The following STXBP4 variants were observed in gnomAD, a reference collection of about 807,000 sequenced individuals.
The protein encoded by STXBP4 is syntaxin-binding protein 4.
STXBP4 carries 55 observed loss-of-function variants against 76.1 expected under a neutral mutation model. The ratio of observed to expected loss-of-function variants is 0.72; its 90% CI spans 0.58 to 0.91. The LOEUF (loss-of-function observed/expected upper bound fraction) is 0.91. STXBP4 is among the 40% of genes least tolerant of loss of function. The pLI is 0.00. For synonymous variants in STXBP4, 201 were observed against 220.2 expected, an observed-to-expected ratio of 0.91 and a Z score of 0.77; for missense variants, 618 against 636.9, an observed-to-expected ratio of 0.97 and a Z score of 0.32.
Position 55,073,015 on chromosome 17 carries a change from T to C in STXBP4, c.1127T>C (p.Leu376Pro), listed in dbSNP as rs763152730. ...MEMDYEEVIR[L>P]LEAKITELKA... is the part of the protein sequence containing the mutation. ...ATGGACTATGAAGAAGTGATCCGTC[T>C]GTTAGAGGCCAAGATTACAGAGCTA... The change falls in exon 13 of 18, where the codon CTG becomes CCG. Residue 376 changes from leucine (L) to proline (P), a missense_variant. Physicochemically the swap from Leu to Pro is moderately conservative, Grantham distance 98. Transcript: ENST00000376352. The C allele has an allele frequency of 7.4e-6, 12 of 1,614,040 alleles. No individual in the cohort carries two copies. In the South Asian group the frequency reaches 1.1e-4, roughly 15 times the overall value.
In STXBP4 at chr17:54,997,614, A is replaced by ATT. The variant is rs550464094; in HGVS notation, c.181-1724_181-1723dup. On this transcript the variant is annotated intron_variant, in intron 4 of 17. Coordinates refer to ENST00000376352, the MANE Select transcript of STXBP4 (RefSeq NM_178509.6). ...TTTTATATATTTTATATATATATAT[A>ATT]TTTTTTTTGAGACAGATTTTTGCTT... is the stretch of plus-strand genomic sequence containing the variant. 2.7e-5 allele frequency among the ~76,000 whole-genome samples: 4 copies of ATT among 145,634 alleles called. No homozygotes were observed. In the East Asian group the frequency reaches 5.9e-4, roughly 21 times the overall value.
the STXBP4 span, among the ~76,000 whole-genome samples, chr17:55,209,877 T>C: frequency 6.6e-6 from 1 of 152,204 alleles, no homozygotes; most frequent in Non-Finnish European, 1.5e-5. Context: ...TTCTGTGGAA[T>C]CTGGAGCTTC....
chr17:55,161,291 A>G lies in STXBP4; in HGVS notation c.*1380A>G, dbSNP rs368079733. The G allele has an allele frequency of 1.3e-5, 2 of 152,366 alleles. No homozygotes were observed. Among genetic ancestry groups the G allele is most frequent in the East Asian group, 1.9e-4 (1 of 5,186 alleles). The allele number at this position is 152,366 out of a possible 1,614,324, so 9.4% of individuals were successfully genotyped here. A position where few individuals can be genotyped will look rare whatever the true frequency, so the allele number is the denominator to read the frequency against. On this transcript the variant is annotated 3_prime_UTR_variant, in exon 18 of 18. Transcript: ENST00000376352. Reference sequence around the variant, plus strand: ...CCAGACTGATAGGTAGTCATTAGCCATGAGAAATGTTTCAGGATGGCTAGG... The same window carrying G: ...CCAGACTGATAGGTAGTCATTAGCCGTGAGAAATGTTTCAGGATGGCTAGG...
intron 9 of STXBP4, among the ~76,000 whole-genome samples, chr17:55,032,688 A>T (rs80068333): frequency 0.011 from 1,629 of 152,260 alleles, 27 homozygotes; most frequent in African/African-American, 0.036. Context: ...TAAACCAGAG[A>T]TCGTGGACCT....
intron 7 of STXBP4, among the ~76,000 whole-genome samples, chr17:55,001,280 G>A (rs1195000015): frequency 6.6e-6 from 1 of 152,090 alleles, no homozygotes; most frequent in Non-Finnish European, 1.5e-5. Flanking sequence ...CTTAAGAAAA[G>A]AAATGTATCT....
intron 17 of STXBP4, among the ~76,000 whole-genome samples, chr17:55,151,343 T>A (rs2080215797): frequency 1.3e-5 from 2 of 152,134 alleles, no homozygotes; most frequent in South Asian, 4.1e-4. Flanking sequence ...AAAAATAAGG[T>A]CTGTGAGATT....
the STXBP4 span, among the ~76,000 whole-genome samples, chr17:55,178,667 C>A: frequency 1.3e-5 from 2 of 152,158 alleles, no homozygotes; most frequent in Non-Finnish European, 2.9e-5. Flanking sequence ...TTCCCATGAC[C>A]TGCTATCTGC....
the STXBP4 span, among the ~76,000 whole-genome samples, chr17:55,189,510 A>G: frequency 3.1e-4 from 47 of 152,340 alleles, 2 homozygotes; most frequent in African/African-American, 1.1e-3. Context: ...ACAAGCATCT[A>G]CAAGAAACAG....
intron 10 of STXBP4, among the ~76,000 whole-genome samples, chr17:55,038,115 T>C (rs17210015): frequency 0.22 from 33,280 of 152,080 alleles, 3,781 homozygotes; most frequent in Middle Eastern, 0.35. Context: ...ATGTCTTTTA[T>C]TCATGTTTTC....
At chr17:54,996,368 C>A (rs1211484708) in intron 4 of STXBP4, among the ~76,000 whole-genome samples, 2 of 151,434 alleles carry the variant, frequency 1.3e-5, no homozygotes, top group Non-Finnish European at 2.9e-5. Flanking sequence ...GATGATGAAG[C>A]TAGAAAAAGT....
chr17:54,986,260 T>C lies in STXBP4; in HGVS notation c.41T>C (p.Leu14Pro), dbSNP rs752430798. 6.9e-6 allele frequency: 11 copies of C among 1,590,776 alleles called. No individual in the cohort carries two copies. Among genetic ancestry groups the C allele is most frequent in the South Asian group, 6.9e-5 (6 of 86,958 alleles). ...NTSTVVSPSLLEKDPAFQMIT... is the reference protein window; with the variant it reads ...NTSTVVSPSLPEKDPAFQMIT... ...TCTACTGTAGTATCACCCAGTCTAC[T>C]TGAAAAGTAATTTTTAAGTTTAATA... The change falls in exon 3 of 18, where the codon CTT becomes CCT. Residue 14 changes from leucine (L) to proline (P), a missense_variant. Transcript: ENST00000376352.
At chr17:55,192,583 T>TTTCTC in the STXBP4 span, among the ~76,000 whole-genome samples, 1 of 152,122 alleles carries the variant, frequency 6.6e-6, no homozygotes, top group South Asian at 2.1e-4. Flanking sequence ...TGAAAGGAAA[T>TTTCTC]ACCTGAAGAG....
Position 55,131,186 on chromosome 17 carries a change from C to A in STXBP4, c.1490-10124C>A, listed in dbSNP as rs138110337. Among the ~76,000 whole-genome samples the A allele has an allele frequency of 2.6e-4, 40 of 152,280 alleles. No individual in the cohort carries two copies. The East Asian group carries it at 7.5e-3, about 29-fold the overall frequency. ...TGCATTCTCACCAATGCTTATCTTT[C>A]ATCTTTTTGATAATAGCCATTCTAA... is the stretch of plus-strand genomic sequence containing the variant. On this transcript the variant is annotated intron_variant, in intron 16 of 17. Transcript: ENST00000376352.
chr17:54,970,259 A>G (rs1480049949), intron 1 of STXBP4, among the ~76,000 whole-genome samples: 7 of 152,214 alleles, frequency 4.6e-5, no homozygotes, highest in Non-Finnish European at 1.0e-4. Context: ...AGCTATTGGA[A>G]TGTTTGACAC....
At chr17:54,976,935 C>T (rs1355819492) in intron 1 of STXBP4, among the ~76,000 whole-genome samples, 1 of 152,074 alleles carries the variant, frequency 6.6e-6, no homozygotes, top group Admixed American at 6.5e-5. Context: ...TCTTCCTTAC[C>T]CCTCCCTAAT....
chr17:55,161,724 G>A lies in STXBP4; in HGVS notation c.*1813G>A, dbSNP rs1470646341. The A allele has an allele frequency of 3.9e-5, 6 of 152,256 alleles. No individual in the cohort carries two copies. The highest frequency in any genetic ancestry group is 1.9e-4 in the East Asian group (1 of 5,178). The allele number at this position is 152,256 out of a possible 1,614,324, so 9.4% of individuals were successfully genotyped here. A position where few individuals can be genotyped will look rare whatever the true frequency, so the allele number is the denominator to read the frequency against. Reference sequence around the variant, plus strand: ...AATGATATTATTTATTGGGCATTTTGTGCCATACATGGTGATGAGCAGTTT... The same window carrying A: ...AATGATATTATTTATTGGGCATTTTATGCCATACATGGTGATGAGCAGTTT... On this transcript the variant is annotated 3_prime_UTR_variant, in exon 18 of 18. Coordinates refer to ENST00000376352, the MANE Select transcript of STXBP4 (RefSeq NM_178509.6).
At chr17:55,159,498 G>A (rs1376419786) in intron 17 of STXBP4, among the ~76,000 whole-genome samples, 1 of 152,184 alleles carries the variant, frequency 6.6e-6, no homozygotes, top group Non-Finnish European at 1.5e-5. Context: ...TTCCAGAGAT[G>A]TTACAGCAAG....
At chr17:55,029,050 T>TA (rs36126127) in intron 8 of STXBP4, among the ~76,000 whole-genome samples, 45,843 of 149,200 alleles carry the variant, frequency 0.31, 7,217 homozygotes, top group African/African-American at 0.38. Flanking sequence ...TTCTGTAATT[T>TA]AAAAAAAAAA....
chr17:54,982,678 G>A (rs1401202002), intron 1 of STXBP4, among the ~76,000 whole-genome samples: 1 of 151,746 alleles, frequency 6.6e-6, no homozygotes, highest in African/African-American at 2.4e-5. Context: ...TTGGCTGAGG[G>A]CCTTGCAAGT....
Sources: gnomAD v4.1 joint callset for allele counts (sites outside exome capture counted in the v4.1 genomes callset) on GRCh38, gnomAD v4.1.1 for gene constraint, MANE v1.5 for transcripts, NCBI Gene and HGNC (gene_info 2026-07-23, HGNC 2026-07-21) for gene names.